The following GPATCH2 variants were observed in gnomAD, a reference collection of about 807,000 sequenced individuals.
The protein encoded by GPATCH2 is G-patch domain containing 2, also known as G patch domain-containing protein 2.
Under a neutral mutation model 58.0 loss-of-function variants are expected in GPATCH2, and 51 were observed. The observed-to-expected ratio is 0.88, with a 90% CI of 0.70 to 1.11. The LOEUF (loss-of-function observed/expected upper bound fraction) is 1.11, where lower values mean the gene tolerates loss of function less well. GPATCH2 is among the 50% of genes most tolerant of loss of function. The pLI, the probability that GPATCH2 is intolerant of heterozygous loss-of-function variation, is 0.00. For missense variants in GPATCH2, 625 were observed against 652.2 expected, an observed-to-expected ratio of 0.96 and a Z score of 0.45; for synonymous variants, 222 against 218.5, an observed-to-expected ratio of 1.02 and a Z score of -0.14.
chr1:217,514,884 G>T lies in GPATCH2; in HGVS notation c.1104C>A (p.Pro368=). The T allele has an allele frequency of 1.3e-6, 2 of 1,482,016 alleles. No homozygotes were observed. The highest frequency in any genetic ancestry group is 1.9e-6 in the Non-Finnish European group (2 of 1,059,760). The allele number at this position is 1,482,016 out of a possible 1,614,324, so 91.8% of individuals were successfully genotyped here. A position where few individuals can be genotyped will look rare whatever the true frequency, so the allele number is the denominator to read the frequency against. Residue 368 remains proline (P), a synonymous_variant, in exon 6 of 10, where the codon CCC becomes CCA. Coordinates refer to ENST00000366935, the MANE Select transcript of GPATCH2 (RefSeq NM_018040.5). ...TCTTGTTACCCACTGGGCCAGGAAT[G>T]GGTACCTACAGGGAGATTTAAAAAG... ...KSGGTPTSMV[P]IPGPVGNKRM...
At chr1:217,555,775 A>G (rs1665588612) in intron 5 of GPATCH2, among the ~76,000 whole-genome samples, 1 of 152,046 alleles carries the variant, frequency 6.6e-6, no homozygotes, top group Admixed American at 6.6e-5. Flanking sequence ...TAACACCTAC[A>G]CTACACTTCT....
intron 9 of GPATCH2, among the ~76,000 whole-genome samples, chr1:217,432,144 C>T (rs1487932889): frequency 2.0e-5 from 3 of 151,892 alleles, no homozygotes. Context: ...ATATTTCTTC[C>T]TTCCCTTCCC....
At chr1:217,482,265 G>A (rs1331221532) in intron 8 of GPATCH2, among the ~76,000 whole-genome samples, 1 of 152,116 alleles carries the variant, frequency 6.6e-6, no homozygotes, top group Admixed American at 6.6e-5. Context: ...TGGTATTGGG[G>A]CTACATGAGT....
intron 8 of GPATCH2, among the ~76,000 whole-genome samples, chr1:217,462,374 T>C (rs925710411): frequency 4.6e-5 from 7 of 152,188 alleles, no homozygotes; most frequent in African/African-American, 9.7e-5. Context: ...GTTGTCACTT[T>C]TCTTTGCACA....
At chr1:217,432,946 C>T (rs1240648067) in intron 9 of GPATCH2, among the ~76,000 whole-genome samples, 1 of 152,132 alleles carries the variant, frequency 6.6e-6, no homozygotes, top group African/African-American at 2.4e-5. Flanking sequence ...AGTCCTGGCT[C>T]TAGCATATTT....
At chr1:217,561,852 G>T (rs541179771) in intron 5 of GPATCH2, among the ~76,000 whole-genome samples, 14 of 152,122 alleles carry the variant, frequency 9.2e-5, no homozygotes, top group Non-Finnish European at 1.9e-4. Flanking sequence ...GCTTCTGAAC[G>T]GACCCAAAGG....
At chr1:217,557,722 C>T (rs762708355) in intron 5 of GPATCH2, among the ~76,000 whole-genome samples, 1 of 152,176 alleles carries the variant, frequency 6.6e-6, no homozygotes, top group African/African-American at 2.4e-5. Flanking sequence ...TGTCATATGT[C>T]AGATGACACT....
At chr1:217,615,529 T>C (rs1228914017) in intron 2 of GPATCH2, among the ~76,000 whole-genome samples, 3 of 152,090 alleles carry the variant, frequency 2.0e-5, no homozygotes, top group Non-Finnish European at 4.4e-5. Flanking sequence ...CATTTCGCTG[T>C]CTAAACTACT....
Position 217,514,740 on chromosome 1 carries a change from T to G in GPATCH2, c.1166+82A>C, listed in dbSNP as rs901528894. 6 of 639,444 alleles carry G rather than the reference T, an allele frequency of 9.4e-6. No homozygotes were observed. The African/African-American group carries it at 1.1e-4, about 12-fold the overall frequency. 39.6% of individuals were successfully genotyped at this position (639,444 alleles called of 1,614,324 possible). A position where few individuals can be genotyped will look rare whatever the true frequency, so the allele number is the denominator to read the frequency against. On this transcript the variant is annotated intron_variant, in intron 6 of 9. Coordinates refer to ENST00000366935, the MANE Select transcript of GPATCH2 (RefSeq NM_018040.5). ...TTTAAAAAGTACAAATTAAATAAGC[T>G]TTACTAGTAGTAGCTAATAATTTCC...
intron 5 of GPATCH2, among the ~76,000 whole-genome samples, chr1:217,592,333 C>T (rs778930436): frequency 5.3e-5 from 8 of 151,942 alleles, no homozygotes; most frequent in Non-Finnish European, 7.4e-5. Flanking sequence ...AACACCAAGC[C>T]TCAAAACACG....
intron 5 of GPATCH2, among the ~76,000 whole-genome samples, chr1:217,579,412 C>T (rs917332301): frequency 7.9e-5 from 12 of 151,790 alleles, no homozygotes; most frequent in Admixed American, 2.0e-4. Flanking sequence ...ATTTAACTTG[C>T]CCTGCCAGAT....
At chr1:217,464,812 C>T (rs958920982) in intron 8 of GPATCH2, among the ~76,000 whole-genome samples, 1 of 152,098 alleles carries the variant, frequency 6.6e-6, no homozygotes, top group African/African-American at 2.4e-5. Flanking sequence ...ATGTCTCCTT[C>T]TTAAAAGTAC....
chr1:217,491,862 C>CTT (rs34921892), intron 7 of GPATCH2, 112 bp from the exon 8 acceptor site: 155 of 332,780 alleles, frequency 4.7e-4, no homozygotes, highest in East Asian at 1.3e-3. Context: ...ATTTGCACGG[C>CTT]TTTTTTTTTT....
At chr1:217,523,931 CAGTT>C (rs1663645836) in intron 5 of GPATCH2, among the ~76,000 whole-genome samples, 1 of 106,384 alleles carries the variant, frequency 9.4e-6, no homozygotes, top group Non-Finnish European at 2.2e-5. Flanking sequence ...CCGGACGGGG[CAGTT>C]GGCCGGGCGG....
intron 5 of GPATCH2, among the ~76,000 whole-genome samples, chr1:217,605,946 T>C (rs891202229): frequency 1.3e-5 from 2 of 152,122 alleles, no homozygotes; most frequent in Non-Finnish European, 2.9e-5. Context: ...ACATATCCCT[T>C]GAAATTAATG....
chr1:217,493,117 C>A (rs888038864), intron 7 of GPATCH2, among the ~76,000 whole-genome samples: 1 of 152,080 alleles, frequency 6.6e-6, no homozygotes, highest in African/African-American at 2.4e-5. Flanking sequence ...CCAGTTTAGA[C>A]CACCATTTTC....
At chr1:217,468,288 C>T (rs1274499512) in intron 8 of GPATCH2, among the ~76,000 whole-genome samples, 1 of 152,062 alleles carries the variant, frequency 6.6e-6, no homozygotes, top group Non-Finnish European at 1.5e-5. Flanking sequence ...GAGGGAAGTA[C>T]ACAATATCAC....
intron 8 of GPATCH2, among the ~76,000 whole-genome samples, chr1:217,467,450 A>G (rs1332405802): frequency 6.6e-6 from 1 of 152,204 alleles, no homozygotes; most frequent in Non-Finnish European, 1.5e-5. Context: ...TATAGTAAGT[A>G]CCAAATAAAA....
intron 2 of GPATCH2, among the ~76,000 whole-genome samples, chr1:217,617,543 C>T (rs1668950447): frequency 6.6e-6 from 1 of 152,280 alleles, no homozygotes; most frequent in East Asian, 1.9e-4. Context: ...CACACACACA[C>T]AGCCCCCCAC....
Sources: allele counts gnomAD v4.1 joint callset (sites outside exome capture counted in the v4.1 genomes callset), GRCh38; gene constraint gnomAD v4.1.1; transcripts MANE v1.5; gene names NCBI Gene and HGNC (gene_info 2026-07-23, HGNC 2026-07-21).